KDM7A: variants seen among roughly 807,000 people sequenced by gnomAD.
The protein encoded by KDM7A is lysine demethylase 7A, also known as lysine-specific demethylase 7A.
A neutral mutation model predicts 114.8 loss-of-function variants in KDM7A; 28 were observed. The observed-to-expected ratio is 0.24, with a 90% CI of 0.18 to 0.33. KDM7A has a LOEUF of 0.33. Ranked by LOEUF, KDM7A falls within the 10% of genes least tolerant of loss-of-function variation. KDM7A has a pLI of 1.00. For missense variants in KDM7A, 942 were observed against 1,142.5 expected, an observed-to-expected ratio of 0.82 and a Z score of 2.53; for synonymous variants, 423 against 397.8, an observed-to-expected ratio of 1.06 and a Z score of -0.75.
At chr7:140,127,210 C>T (rs1005491843) in intron 5 of KDM7A, among the ~76,000 whole-genome samples, 4 of 152,240 alleles carry the variant, frequency 2.6e-5, no homozygotes, top group African/African-American at 9.6e-5. Context: ...ATCCACTCGC[C>T]TTGGCCTCCC....
At chr7:140,154,589 A>G (rs899265296) in intron 1 of KDM7A, among the ~76,000 whole-genome samples, 1 of 152,100 alleles carries the variant, frequency 6.6e-6, no homozygotes, top group East Asian at 1.9e-4. Flanking sequence ...TAAGAGAAAC[A>G]TAAGGGAGAC....
At chr7:140,152,241 T>C (rs1216471847) in intron 1 of KDM7A, among the ~76,000 whole-genome samples, 1 of 152,168 alleles carries the variant, frequency 6.6e-6, no homozygotes, top group Non-Finnish European at 1.5e-5. Flanking sequence ...AAAGACGAGT[T>C]ACAGTAGGGG....
intron 1 of KDM7A, among the ~76,000 whole-genome samples, chr7:140,160,495 A>C (rs1229596787): frequency 1.3e-5 from 2 of 152,236 alleles, no homozygotes; most frequent in Admixed American, 6.5e-5. Flanking sequence ...GCAAGAGATA[A>C]GCACAGGACA....
intron 1 of KDM7A, among the ~76,000 whole-genome samples, chr7:140,174,164 C>CA (rs751602446): frequency 0.011 from 991 of 86,886 alleles, 6 homozygotes; most frequent in African/African-American, 0.026. Flanking sequence ...ACTCCGTCTC[C>CA]AAAAAAAAAA....
intron 11 of KDM7A, among the ~76,000 whole-genome samples, chr7:140,102,366 C>G (rs1449604288): frequency 6.6e-6 from 1 of 151,200 alleles, no homozygotes; most frequent in African/African-American, 2.4e-5. Flanking sequence ...TGTGAACATA[C>G]TTCCTTGATT....
In KDM7A at chr7:140,099,880, T is replaced by C; in HGVS notation, c.1763+19A>G. ...CAATGAAAATTAATCTATTTGATACTCTGATTTACTTTACATACTTAATTA... is the reference window on the plus strand; with the variant it reads ...CAATGAAAATTAATCTATTTGATACCCTGATTTACTTTACATACTTAATTA... On this transcript the variant is annotated intron_variant, in intron 13 of 19. Coordinates refer to ENST00000397560, the MANE Select transcript of KDM7A (RefSeq NM_030647.2). 6.2e-7 allele frequency: 1 copy of C among 1,602,388 alleles called. No homozygotes were observed. Among genetic ancestry groups the C allele is most frequent in the Non-Finnish European group, 8.6e-7 (1 of 1,169,326 alleles).
chr7:140,135,071 G>A (rs1383632461), intron 2 of KDM7A, among the ~76,000 whole-genome samples: 3 of 147,204 alleles, frequency 2.0e-5, no homozygotes, highest in Non-Finnish European at 4.5e-5. Context: ...CAAAAATTTA[G>A]AATCACAAAG....
chr7:140,105,871 CTCT>C (rs750969454), intron 11 of KDM7A, among the ~76,000 whole-genome samples: 7 of 152,318 alleles, frequency 4.6e-5, no homozygotes, highest in East Asian at 3.9e-4. Context: ...ATGGTACCAG[CTCT>C]TCTTTGTACC....
intron 11 of KDM7A, among the ~76,000 whole-genome samples, chr7:140,106,159 A>G (rs1189447667): frequency 2.0e-5 from 3 of 151,714 alleles, no homozygotes; most frequent in Non-Finnish European, 2.9e-5. Context: ...TTTTTATTGC[A>G]TCTATTTGAT....
At chr7:140,126,183 T>A (rs1018403584) in intron 6 of KDM7A, among the ~76,000 whole-genome samples, 12 of 152,172 alleles carry the variant, frequency 7.9e-5, no homozygotes, top group Admixed American at 2.0e-4. Flanking sequence ...AGCGCTGGGA[T>A]TATAGGTGTA....
chr7:140,116,272 G>A (rs1253546888), intron 9 of KDM7A, among the ~76,000 whole-genome samples: 1 of 151,534 alleles, frequency 6.6e-6, no homozygotes, highest in Non-Finnish European at 1.5e-5. Context: ...GTGTGTGTGT[G>A]TATATCATAG....
intron 1 of KDM7A, among the ~76,000 whole-genome samples, chr7:140,173,972 T>C (rs542001781): frequency 7.7e-4 from 117 of 152,134 alleles, no homozygotes; most frequent in South Asian, 6.9e-3. Context: ...GAAACCAGTG[T>C]AGCCAACATG....
At chr7:140,164,824 T>C (rs1794556482) in intron 1 of KDM7A, among the ~76,000 whole-genome samples, 1 of 152,198 alleles carries the variant, frequency 6.6e-6, no homozygotes, top group African/African-American at 2.4e-5. Flanking sequence ...AAACTGGCAG[T>C]GAATTGATAC....
chr7:140,120,887 G>A (rs568112148), intron 7 of KDM7A, among the ~76,000 whole-genome samples: 4 of 152,292 alleles, frequency 2.6e-5, no homozygotes, highest in African/African-American at 9.6e-5. Flanking sequence ...AAATTAAGGC[G>A]TGAGCCACTG....
chr7:140,096,101 G>A lies in KDM7A; in HGVS notation c.2374+454C>T, dbSNP rs559467054. Among the ~76,000 whole-genome samples, 114 of 152,156 alleles carry A rather than the reference G, an allele frequency of 7.5e-4. 1 individual carries two copies. The highest frequency in any genetic ancestry group is 6.8e-3 in the Middle Eastern group (2 of 292). ...AACACTATGTGGCATGCCTAACACT[G>A]CCACTGAGTCTACCCTCTTTTCCTA... On this transcript the variant is annotated intron_variant, in intron 17 of 19. Coordinates refer to ENST00000397560, the MANE Select transcript of KDM7A (RefSeq NM_030647.2).
chr7:140,159,441 T>G (rs1585165785), intron 1 of KDM7A, among the ~76,000 whole-genome samples: 1 of 152,334 alleles, frequency 6.6e-6, no homozygotes, highest in Non-Finnish European at 1.5e-5. Context: ...GATACAACTG[T>G]TGAAGCCAGG....
intron 16 of KDM7A, 30 bp downstream of exon 16, chr7:140,096,869 A>C (rs1319620306): frequency 6.2e-7 from 1 of 1,605,430 alleles, no homozygotes; most frequent in East Asian, 2.2e-5. Context: ...CTTACAATAT[A>C]ATAAGACTTA....
intron 2 of KDM7A, among the ~76,000 whole-genome samples, chr7:140,135,469 A>G (rs6948644): frequency 0.33 from 49,646 of 152,006 alleles, 8,265 homozygotes; most frequent in Middle Eastern, 0.43. Flanking sequence ...CCAAAGTGCT[A>G]GGATTACACG....
At chr7:140,174,873 C>T (rs547371508) in intron 1 of KDM7A, among the ~76,000 whole-genome samples, 56 of 152,266 alleles carry the variant, frequency 3.7e-4, no homozygotes, top group Non-Finnish European at 5.0e-4. Flanking sequence ...CCTCAGCCTC[C>T]CAAAGTGCTG....
Sources: gnomAD v4.1 joint callset for allele counts (sites outside exome capture counted in the v4.1 genomes callset) on GRCh38, gnomAD v4.1.1 for gene constraint, MANE v1.5 for transcripts, NCBI Gene and HGNC (gene_info 2026-07-23, HGNC 2026-07-21) for gene names.